DYNC1LI1: variants seen among roughly 807,000 people sequenced by gnomAD.
DYNC1LI1 encodes the protein dynein cytoplasmic 1 light intermediate chain 1.
In DYNC1LI1, 19 loss-of-function variants were observed where a neutral mutation model predicts 63.8. The ratio of observed to expected loss-of-function variants is 0.30; its 90% CI spans 0.21 to 0.44. The LOEUF is 0.44. DYNC1LI1 is among the 20% of genes least tolerant of loss of function. The probability of loss-of-function intolerance (pLI) is 1.00; values close to 1 mark genes in which losing one functional copy is unlikely to be tolerated. For missense variants in DYNC1LI1, 565 were observed against 630.2 expected, an observed-to-expected ratio of 0.90 and a Z score of 1.11; for synonymous variants, 225 against 232.3, an observed-to-expected ratio of 0.97 and a Z score of 0.28.
intron 7 of DYNC1LI1, among the ~76,000 whole-genome samples, chr3:32,533,565 C>A (rs1417345402): frequency 7.0e-6 from 1 of 142,276 alleles, no homozygotes; most frequent in Admixed American, 7.2e-5. Flanking sequence ...TATACGGTTA[C>A]CTTTTTTTTT....
At chr3:32,559,706 A>T (rs1317832660) in intron 2 of DYNC1LI1, among the ~76,000 whole-genome samples, 1 of 152,248 alleles carries the variant, frequency 6.6e-6, no homozygotes, top group Non-Finnish European at 1.5e-5. Context: ...CATGGTCCCC[A>T]GCATCAGGAA....
intron 2 of DYNC1LI1, among the ~76,000 whole-genome samples, chr3:32,555,617 G>A (rs1246795338): frequency 6.6e-6 from 1 of 152,114 alleles, no homozygotes; most frequent in East Asian, 1.9e-4. Context: ...ACTTATAAGT[G>A]AGCATTCACT....
At chr3:32,559,610 G>T (rs1698163199) in intron 2 of DYNC1LI1, among the ~76,000 whole-genome samples, 1 of 152,104 alleles carries the variant, frequency 6.6e-6, no homozygotes, top group Admixed American at 6.6e-5. Context: ...AAAATCAGTA[G>T]TCAAAGCAAA....
Position 32,547,782 on chromosome 3 carries a change from C to T in DYNC1LI1, c.221-1817G>A, listed in dbSNP as rs181092516. Among the ~76,000 whole-genome samples, 14 of 152,154 alleles carry T rather than the reference C, an allele frequency of 9.2e-5. No homozygotes were observed. The East Asian group carries it at 1.7e-3, about 19-fold the overall frequency. On this transcript the variant is annotated intron_variant, in intron 2 of 12. Coordinates refer to ENST00000273130, the MANE Select transcript of DYNC1LI1 (RefSeq NM_016141.4). ...GTAAGAAATCCAAAGGAAGTAAATA[C>T]GTTAAAGAGATATCTGTACTCCCAT...
rs3836420 is a variant in DYNC1LI1 at position 32,526,653 on chromosome 3, C to CCACACACA, written c.*138_*145dup. The CCACACACA allele has an allele frequency of 4.1e-3, 2,064 of 499,260 alleles. 33 individuals are homozygous for CCACACACA. Among genetic ancestry groups the CCACACACA allele is most frequent in the African/African-American group, 0.036 (1,842 of 51,076 alleles). 30.9% of individuals were successfully genotyped at this position (499,260 alleles called of 1,614,324 possible). A position where few individuals can be genotyped will look rare whatever the true frequency, so the allele number is the denominator to read the frequency against. ...ACGGCTCCTTCTAAAAAATGGGTAACCACACACACACACACACACACACAC... is the reference window on the plus strand; with the variant it reads ...ACGGCTCCTTCTAAAAAATGGGTAACCACACACACACACACACACACACACACACACAC... On this transcript the variant is annotated 3_prime_UTR_variant, in exon 13 of 13. Coordinates refer to ENST00000273130, the MANE Select transcript of DYNC1LI1 (RefSeq NM_016141.4).
chr3:32,550,249 T>C (rs532387539), intron 2 of DYNC1LI1, among the ~76,000 whole-genome samples: 4 of 152,246 alleles, frequency 2.6e-5, no homozygotes, highest in Admixed American at 6.5e-5. Flanking sequence ...CTGACCAACA[T>C]GGAGAAACCC....
intron 2 of DYNC1LI1, among the ~76,000 whole-genome samples, chr3:32,548,063 A>AG (rs1697980870): frequency 6.6e-6 from 1 of 152,098 alleles, no homozygotes; most frequent in Non-Finnish European, 1.5e-5. Flanking sequence ...TTAGCCTCAA[A>AG]GAAGGAAGGA....
intron 12 of DYNC1LI1, 152 bp downstream of exon 12, chr3:32,528,294 T>A (rs1575146665): frequency 1.3e-6 from 1 of 768,136 alleles, no homozygotes; most frequent in African/African-American, 1.8e-5. Flanking sequence ...TTTGGGGAGA[T>A]AAAAATGTTC....
At chr3:32,553,277 A>C (rs1363885186) in intron 2 of DYNC1LI1, among the ~76,000 whole-genome samples, 1 of 152,142 alleles carries the variant, frequency 6.6e-6, no homozygotes, top group East Asian at 1.9e-4. Context: ...TCAAGGCTGC[A>C]GTAAGCTGTG....
intron 2 of DYNC1LI1, among the ~76,000 whole-genome samples, chr3:32,568,863 A>C (rs957033175): frequency 1.3e-5 from 2 of 152,238 alleles, no homozygotes; most frequent in African/African-American, 2.4e-5. Context: ...TTACCTTAGA[A>C]ATGAGTAGTA....
At chr3:32,567,690 C>T (rs1210018005) in intron 2 of DYNC1LI1, among the ~76,000 whole-genome samples, 1 of 149,542 alleles carries the variant, frequency 6.7e-6, no homozygotes, top group African/African-American at 2.5e-5. Context: ...AGGCATGCAC[C>T]ATCATACCCG....
chr3:32,558,285 T>G (rs1268907340), intron 2 of DYNC1LI1, among the ~76,000 whole-genome samples: 2 of 151,696 alleles, frequency 1.3e-5, no homozygotes, highest in African/African-American at 4.8e-5. Context: ...CATGTCTACA[T>G]GCAGGTGCTA....
rs746012118 is a variant in DYNC1LI1, at chr3:32,534,631, A to G, written c.848T>C (p.Ile283Thr). ...TTTGTTTTCTTTTACTGAAGTGTAA[A>G]TAAGTGCTGCACCATCTGAATAATA... ...KFCLQYGAAL[I>T]YTSVKENKNI... Residue 283 changes from isoleucine to threonine, a missense_variant, in exon 7 of 13, where the codon ATT becomes ACT. Transcript: ENST00000273130. 8.1e-6 allele frequency: 13 copies of G among 1,600,030 alleles called. No individual in the cohort carries two copies. The highest frequency in any genetic ancestry group is 2.2e-5 in the East Asian group (1 of 44,646).
intron 4 of DYNC1LI1, among the ~76,000 whole-genome samples, chr3:32,541,412 C>T (rs748121931): frequency 1.1e-4 from 17 of 152,134 alleles, no homozygotes; most frequent in Non-Finnish European, 1.8e-4. Flanking sequence ...ATTACTACTG[C>T]AGGGGATGGC....
intron 2 of DYNC1LI1, among the ~76,000 whole-genome samples, chr3:32,552,010 A>G (rs1015124248): frequency 6.6e-6 from 1 of 152,164 alleles, no homozygotes; most frequent in African/African-American, 2.4e-5. Context: ...TTACTACTGG[A>G]TGTCCCATGA....
At chr3:32,554,454 C>T (rs1360997167) in intron 2 of DYNC1LI1, among the ~76,000 whole-genome samples, 3 of 152,174 alleles carry the variant, frequency 2.0e-5, no homozygotes, top group Non-Finnish European at 2.9e-5. Flanking sequence ...GAAATGGTCA[C>T]ACTGAGAATA....
At chr3:32,549,223 T>C (rs948585216) in intron 2 of DYNC1LI1, among the ~76,000 whole-genome samples, 1 of 151,628 alleles carries the variant, frequency 6.6e-6, no homozygotes, top group East Asian at 1.9e-4. Context: ...ATTTAATTTA[T>C]AAGTACATTT....
At chr3:32,543,184 C>T (rs1037427070) in intron 4 of DYNC1LI1, among the ~76,000 whole-genome samples, 2 of 151,592 alleles carry the variant, frequency 1.3e-5, no homozygotes, top group Non-Finnish European at 2.9e-5. Context: ...TAAATCTAGA[C>T]TTAGGGAAGA....
chr3:32,565,087 C>A (rs1423370631), intron 2 of DYNC1LI1, among the ~76,000 whole-genome samples: 4 of 152,152 alleles, frequency 2.6e-5, no homozygotes, highest in Non-Finnish European at 4.4e-5. Context: ...AACAATATAG[C>A]AACTTTACAT....
Sources: allele counts gnomAD v4.1 joint callset (sites outside exome capture counted in the v4.1 genomes callset), GRCh38; gene constraint gnomAD v4.1.1; transcripts MANE v1.5; gene names NCBI Gene and HGNC (gene_info 2026-07-23, HGNC 2026-07-21).